The following NDST4 variants were observed in gnomAD, a reference collection of about 807,000 sequenced individuals.
NDST4 encodes N-heparan sulfate sulfotransferase 4.
NDST4 carries 63 observed loss-of-function variants against 100.8 expected under a neutral mutation model. The ratio of observed to expected loss-of-function variants is 0.62; its 90% CI spans 0.51 to 0.77. The LOEUF is 0.77. Ranked by LOEUF, NDST4 falls within the 30% of genes least tolerant of loss-of-function variation. NDST4 has a pLI of 0.00. For missense variants in NDST4, 943 were observed against 1,018.4 expected, an observed-to-expected ratio of 0.93 and a Z score of 1.01; for synonymous variants, 377 against 361.8, an observed-to-expected ratio of 1.04 and a Z score of -0.48.
chr4:115,069,212 T>C (rs189497531), intron 2 of NDST4, among the ~76,000 whole-genome samples: 4 of 152,198 alleles, frequency 2.6e-5, no homozygotes, highest in Middle Eastern at 3.4e-3. Context: ...ATGGTAGACA[T>C]GAGATAGTCA....
chr4:115,033,115 A>C (rs1048647306), intron 2 of NDST4, among the ~76,000 whole-genome samples: 2 of 138,936 alleles, frequency 1.4e-5, no homozygotes, highest in East Asian at 4.1e-4. Context: ...TGAATGCAAA[A>C]ATTATATATA....
chr4:114,881,136 A>C (rs1356700738), intron 6 of NDST4, among the ~76,000 whole-genome samples: 2 of 152,208 alleles, frequency 1.3e-5, no homozygotes, highest in East Asian at 3.9e-4. Context: ...GGGAGGGATC[A>C]TAGTCAGATA....
chr4:115,020,249 T>C (rs111670141), intron 2 of NDST4, among the ~76,000 whole-genome samples: 2,480 of 152,090 alleles, frequency 0.016, 66 homozygotes, highest in African/African-American at 0.057. Flanking sequence ...GACTGTGAAG[T>C]CCAATCAAAG....
intron 2 of NDST4, among the ~76,000 whole-genome samples, chr4:114,990,017 T>A (rs78329188): frequency 0.012 from 1,812 of 152,266 alleles, 38 homozygotes; most frequent in African/African-American, 0.04. Flanking sequence ...CTATGACATT[T>A]TTGACACTTC....
intron 2 of NDST4, among the ~76,000 whole-genome samples, chr4:115,045,235 G>C (rs1728440020): frequency 6.6e-6 from 1 of 151,994 alleles, no homozygotes; most frequent in Non-Finnish European, 1.5e-5. Context: ...TAAAATGATA[G>C]AGAAAATTTG....
chr4:115,007,273 C>T (rs1727440570), intron 2 of NDST4, among the ~76,000 whole-genome samples: 1 of 152,140 alleles, frequency 6.6e-6, no homozygotes, highest in Non-Finnish European at 1.5e-5. Context: ...ATGGTTAAAA[C>T]TTCTAAATGC....
intron 2 of NDST4, among the ~76,000 whole-genome samples, chr4:115,011,312 T>C (rs1158315268): frequency 1.3e-5 from 2 of 151,998 alleles, no homozygotes; most frequent in East Asian, 1.9e-4. Context: ...ATTCTGGTAC[T>C]TATCTATATT....
At chr4:115,031,457 T>G (rs1728114306) in intron 2 of NDST4, among the ~76,000 whole-genome samples, 1 of 152,098 alleles carries the variant, frequency 6.6e-6, no homozygotes, top group African/African-American at 2.4e-5. Context: ...ATGCCCTCTC[T>G]TCACTCTGGT....
chr4:114,880,381 C>A (rs80115260), intron 6 of NDST4, among the ~76,000 whole-genome samples: 3,723 of 152,162 alleles, frequency 0.024, 168 homozygotes, highest in African/African-American at 0.085. Flanking sequence ...GAGTTATTTA[C>A]CATTACTCTT....
chr4:114,866,578 T>G (rs983971215), intron 7 of NDST4, among the ~76,000 whole-genome samples: 1 of 152,192 alleles, frequency 6.6e-6, no homozygotes, highest in Non-Finnish European at 1.5e-5. Flanking sequence ...AATGATATTT[T>G]GAAGAGAGTG....
rs1338733710 is a variant in NDST4, at chr4:114,827,952, A to G, written c.2500-17T>C. On this transcript the variant is annotated splice_polypyrimidine_tract_variant and intron_variant, in intron 13 of 13. Coordinates refer to ENST00000264363, the MANE Select transcript of NDST4 (RefSeq NM_022569.3). Reference sequence around the variant, plus strand: ...CGTTCTAGACTGGAAAGAAAAAAAGAAGAACTTGAAAGAAGCTCTTTGTTT... The same window carrying G: ...CGTTCTAGACTGGAAAGAAAAAAAGGAGAACTTGAAAGAAGCTCTTTGTTT... 3 of 1,577,066 alleles carry G rather than the reference A, an allele frequency of 1.9e-6. No individual in the cohort carries two copies. Among genetic ancestry groups the G allele is most frequent in the African/African-American group, 2.8e-5 (2 of 72,428 alleles).
intron 7 of NDST4, among the ~76,000 whole-genome samples, chr4:114,857,792 A>G (rs1410566551): frequency 6.6e-6 from 1 of 152,224 alleles, no homozygotes; most frequent in African/African-American, 2.4e-5. Flanking sequence ...TAAATGGCAT[A>G]GGATGGACAG....
intron 2 of NDST4, among the ~76,000 whole-genome samples, chr4:115,072,591 G>T (rs1729100079): frequency 6.6e-6 from 1 of 151,844 alleles, no homozygotes; most frequent in South Asian, 2.1e-4. Flanking sequence ...ATGGGGAAAG[G>T]GCAGTCTCTT....
intron 2 of NDST4, among the ~76,000 whole-genome samples, chr4:115,050,405 T>TACACACAC (rs36055187): frequency 4.7e-5 from 7 of 149,614 alleles, no homozygotes; most frequent in African/African-American, 9.8e-5. Flanking sequence ...AATGAAGCAT[T>TACACACAC]ACACACACAC....
chr4:114,869,168 T>G (rs1015982943), intron 7 of NDST4, among the ~76,000 whole-genome samples: 3 of 151,562 alleles, frequency 2.0e-5, no homozygotes, highest in Non-Finnish European at 1.5e-5. Flanking sequence ...AAGAAAAGTG[T>G]CACTGATATC....
intron 6 of NDST4, among the ~76,000 whole-genome samples, chr4:114,886,497 C>A (rs80280959): frequency 1.3e-5 from 2 of 151,926 alleles, no homozygotes; most frequent in Non-Finnish European, 2.9e-5. Context: ...TATCAAATTG[C>A]CAATTAATGA....
intron 2 of NDST4, among the ~76,000 whole-genome samples, chr4:115,070,592 A>C (rs896790334): frequency 6.6e-6 from 1 of 152,166 alleles, no homozygotes; most frequent in African/African-American, 2.4e-5. Context: ...TATACAGTTA[A>C]ATTTTATTAA....
intron 4 of NDST4, among the ~76,000 whole-genome samples, chr4:114,951,117 A>G (rs1194469626): frequency 6.6e-6 from 1 of 152,104 alleles, no homozygotes; most frequent in Non-Finnish European, 1.5e-5. Flanking sequence ...GAAAGGAGGG[A>G]TGTAGTTTTC....
intron 7 of NDST4, among the ~76,000 whole-genome samples, chr4:114,859,381 T>G (rs1347617809): frequency 6.6e-6 from 1 of 152,152 alleles, no homozygotes; most frequent in Non-Finnish European, 1.5e-5. Context: ...TGTGTTATAG[T>G]TTCTCAAAAT....
Sources: gnomAD v4.1 joint callset for allele counts (sites outside exome capture counted in the v4.1 genomes callset) on GRCh38, gnomAD v4.1.1 for gene constraint, MANE v1.5 for transcripts, NCBI Gene and HGNC (gene_info 2026-07-23, HGNC 2026-07-21) for gene names.